Variants in KDM2A observed in about 807,000 individuals in gnomAD.
The protein encoded by KDM2A is lysine demethylase 2A, also known as lysine-specific demethylase 2A.
KDM2A carries 3 observed loss-of-function variants against 137.3 expected under a neutral mutation model. That is an observed-to-expected ratio of 0.02 (90% CI 0.01 to 0.06). The LOEUF is 0.06. Ranked by LOEUF, KDM2A falls within the 10% of genes least tolerant of loss-of-function variation. KDM2A has a pLI of 1.00. For synonymous variants in KDM2A, 512 were observed against 541.5 expected (o/e 0.95, Z 0.76); for missense variants, 738 against 1,510.6 (o/e 0.49, Z 8.48).
At position 67,119,511 on chromosome 11, in the gene KDM2A, C is replaced by G. The variant is rs1855547851; in HGVS notation, c.-622C>G. The G allele has an allele frequency of 6.6e-6, 1 of 152,370 alleles. No homozygotes were observed. The highest frequency in any genetic ancestry group is 1.5e-5 in the Non-Finnish European group (1 of 67,968). 9.4% of individuals were successfully genotyped at this position (152,370 alleles called of 1,614,324 possible). A position where few individuals can be genotyped will look rare whatever the true frequency, so the allele number is the denominator to read the frequency against. On this transcript the variant is annotated 5_prime_UTR_variant, in exon 1 of 21. Transcript: ENST00000529006. ...TGGGGAGTAGCCGGGGGGCTCGTCC[C>G]GCAGCGCGGAGCCAGACCTGAGGGG...
chr11:67,178,310 T>C lies in KDM2A; in HGVS notation c.43-1769T>C, dbSNP rs941681398. 9.7e-4 allele frequency among the ~76,000 whole-genome samples: 147 copies of C among 152,140 alleles called. 5 individuals are homozygous for C. Among genetic ancestry groups the C allele is most frequent in the Admixed American group, 9.5e-3 (145 of 15,278 alleles). ...GGTGTCAGCTATGGGAGGCTGTAGG[T>C]GGGAGGATCACCTGAGCCTAGGAGG... On this transcript the variant is annotated intron_variant, in intron 2 of 20. Coordinates refer to ENST00000529006, the MANE Select transcript of KDM2A (RefSeq NM_012308.3).
intron 5 of KDM2A, among the ~76,000 whole-genome samples, chr11:67,206,791 C>T (rs905170060): frequency 2.0e-5 from 3 of 152,232 alleles, no homozygotes; most frequent in South Asian, 2.1e-4. Flanking sequence ...ATTGTTTTCT[C>T]TCCACTACTA....
chr11:67,203,462 A>T (rs1184179687), intron 5 of KDM2A, among the ~76,000 whole-genome samples: 1 of 5,732 alleles, frequency 1.7e-4, no homozygotes, highest in Non-Finnish European at 4.9e-4. Flanking sequence ...TATATTTATT[A>T]ATTATTAATA....
chr11:67,203,506 TATATA>T (rs1425636720), intron 5 of KDM2A, among the ~76,000 whole-genome samples: 1 of 147,540 alleles, frequency 6.8e-6, no homozygotes, highest in Non-Finnish European at 1.5e-5. Flanking sequence ...TTTTATATAA[TATATA>T]ATATAAAATA....
chr11:67,151,248 T>A (rs1484873900), intron 2 of KDM2A, among the ~76,000 whole-genome samples: 2 of 152,154 alleles, frequency 1.3e-5, no homozygotes, highest in African/African-American at 4.8e-5. Flanking sequence ...AGAGTTGTGT[T>A]GTACGCTATG....
chr11:67,232,929 C>T (rs549714685), intron 12 of KDM2A, among the ~76,000 whole-genome samples: 2 of 151,842 alleles, frequency 1.3e-5, no homozygotes, highest in East Asian at 2.0e-4. Context: ...AGGCTGGTCT[C>T]GAACTCTTGA....
At chr11:67,209,438 A>T (rs1857911003) in intron 6 of KDM2A, among the ~76,000 whole-genome samples, 1 of 149,864 alleles carries the variant, frequency 6.7e-6, no homozygotes, top group Admixed American at 6.7e-5. Context: ...TTATTTTATT[A>T]TTATTATTAT....
At chr11:67,181,606 A>C (rs78520298) in intron 4 of KDM2A, among the ~76,000 whole-genome samples, 6 of 151,916 alleles carry the variant, frequency 3.9e-5, no homozygotes, top group Admixed American at 6.6e-5. Flanking sequence ...AAAAAAAAAA[A>C]CAACAAATTT....
chr11:67,191,656 A>AC (rs1374619182), intron 5 of KDM2A, among the ~76,000 whole-genome samples: 1 of 152,228 alleles, frequency 6.6e-6, no homozygotes, highest in Non-Finnish European at 1.5e-5. Flanking sequence ...CATGATAAAA[A>AC]CACTTAACAA....
intron 2 of KDM2A, among the ~76,000 whole-genome samples, chr11:67,133,844 C>T (rs748536017): frequency 5.9e-5 from 9 of 151,920 alleles, no homozygotes; most frequent in Non-Finnish European, 1.2e-4. Flanking sequence ...CAGCCCTGCG[C>T]CACCACACCC....
At chr11:67,125,507 C>T (rs150071315) in intron 2 of KDM2A, among the ~76,000 whole-genome samples, 4 of 152,054 alleles carry the variant, frequency 2.6e-5, no homozygotes, top group African/African-American at 9.6e-5. Context: ...TGTGGTGGCT[C>T]ACACCTGAAA....
At chr11:67,212,487 A>G (rs540620059) in intron 6 of KDM2A, among the ~76,000 whole-genome samples, 1 of 152,280 alleles carries the variant, frequency 6.6e-6, no homozygotes, top group East Asian at 1.9e-4. Context: ...GTGATGGGGA[A>G]ATAAGTTCAT....
At chr11:67,203,956 A>C (rs1857727211) in intron 5 of KDM2A, among the ~76,000 whole-genome samples, 1 of 151,720 alleles carries the variant, frequency 6.6e-6, no homozygotes, top group Non-Finnish European at 1.5e-5. Context: ...GCGTACCACC[A>C]CGCCCAGCTA....
intron 2 of KDM2A, among the ~76,000 whole-genome samples, chr11:67,168,656 C>A (rs1040802558): frequency 2.0e-5 from 3 of 146,428 alleles, no homozygotes; most frequent in Admixed American, 6.9e-5. Context: ...CACACACACA[C>A]ACACACACGG....
intron 10 of KDM2A, among the ~76,000 whole-genome samples, chr11:67,225,254 A>G (rs1297891629): frequency 6.6e-6 from 1 of 152,232 alleles, no homozygotes; most frequent in Non-Finnish European, 1.5e-5. Flanking sequence ...TGTTTTTAGT[A>G]GTGGTATTTC....
intron 2 of KDM2A, among the ~76,000 whole-genome samples, chr11:67,127,365 T>C (rs1855754489): frequency 6.6e-6 from 1 of 152,104 alleles, no homozygotes; most frequent in African/African-American, 2.4e-5. Flanking sequence ...ACTCAAGCGA[T>C]CCACCTTGGC....
chr11:67,204,105 C>T (rs995196753), intron 5 of KDM2A, among the ~76,000 whole-genome samples: 1 of 152,018 alleles, frequency 6.6e-6, no homozygotes, highest in Non-Finnish European at 1.5e-5. Flanking sequence ...CTGGCCTCCC[C>T]TACATTCTTG....
chr11:67,186,768 A>T (rs138174919), intron 5 of KDM2A, among the ~76,000 whole-genome samples: 104 of 152,358 alleles, frequency 6.8e-4, no homozygotes, highest in Admixed American at 2.0e-3. Context: ...AGATCAATAC[A>T]TTTAAAATAA....
chr11:67,251,345 C>G (rs1431281465), intron 17 of KDM2A, among the ~76,000 whole-genome samples: 3 of 152,176 alleles, frequency 2.0e-5, no homozygotes, highest in African/African-American at 7.2e-5. Flanking sequence ...TTCCCTCTTC[C>G]AGCAAGCAGA....
Sources: gnomAD v4.1 joint callset for allele counts (sites outside exome capture counted in the v4.1 genomes callset) on GRCh38, gnomAD v4.1.1 for gene constraint, MANE v1.5 for transcripts, NCBI Gene and HGNC (gene_info 2026-07-23, HGNC 2026-07-21) for gene names.